LYST: variants seen among roughly 807,000 people sequenced by gnomAD.
The protein encoded by LYST is lysosomal-trafficking regulator.
Under a neutral mutation model 413.6 loss-of-function variants are expected in LYST, and 192 were observed. That is an observed-to-expected ratio of 0.46 (90% CI 0.41 to 0.52). The LOEUF is 0.52. Ranked by LOEUF, LYST falls within the 20% of genes least tolerant of loss-of-function variation. The pLI is 0.00. For synonymous variants in LYST, 1,525 were observed against 1,567.3 expected (o/e 0.97, Z 0.64); for missense variants, 3,815 against 4,499.9 (o/e 0.85, Z 4.35).
chr1:235,758,378 T>C (rs1667244447), intron 23 of LYST, among the ~76,000 whole-genome samples: 1 of 152,228 alleles, frequency 6.6e-6, no homozygotes, highest in Admixed American at 6.5e-5. Flanking sequence ...TGCAGTCTGG[T>C]GACAGCCTGT....
intron 3 of LYST, among the ~76,000 whole-genome samples, chr1:235,819,707 G>A (rs75200637): frequency 3.9e-5 from 6 of 152,210 alleles, no homozygotes; most frequent in East Asian, 3.8e-4. Flanking sequence ...GTGCAGTGGC[G>A]TGATCTCGGC....
intron 6 of LYST, among the ~76,000 whole-genome samples, chr1:235,804,977 T>G (rs1672651976): frequency 1.3e-5 from 2 of 152,192 alleles, no homozygotes; most frequent in South Asian, 2.1e-4. Flanking sequence ...GTGTTAAAGC[T>G]TGTGAATTTC....
At chr1:235,764,306 TG>T in intron 21 of LYST, among the ~76,000 whole-genome samples, 1 of 152,136 alleles carries the variant, frequency 6.6e-6, no homozygotes, top group African/African-American at 2.4e-5. Context: ...TCAACTAGGC[TG>T]TAAACGTCTT....
chr1:235,867,850 A>G (rs914953596), upstream of LYST, among the ~76,000 whole-genome samples: 1 of 152,234 alleles, frequency 6.6e-6, no homozygotes, highest in African/African-American at 2.4e-5. Flanking sequence ...TAAGCAGATA[A>G]TCTACAAATT....
At chr1:235,791,230 C>T (rs1227986445) in intron 12 of LYST, among the ~76,000 whole-genome samples, 9 of 151,848 alleles carry the variant, frequency 5.9e-5, no homozygotes, top group African/African-American at 1.7e-4. Flanking sequence ...TGCAGTGAGC[C>T]GAGATCGCGC....
chr1:235,863,619 CT>C (rs1680159106), intron 1 of LYST, among the ~76,000 whole-genome samples: 1 of 151,966 alleles, frequency 6.6e-6, no homozygotes, highest in South Asian at 2.1e-4. Context: ...AACAAACACA[CT>C]ATGTGAGTGC....
At chr1:235,740,206 T>A (rs10926535) in intron 31 of LYST, among the ~76,000 whole-genome samples, 76,095 of 151,928 alleles carry the variant, frequency 0.5, 22,482 homozygotes, top group African/African-American at 0.82. Flanking sequence ...ATATGATATG[T>A]GTTTTCCATG....
intron 1 of LYST, among the ~76,000 whole-genome samples, chr1:235,861,138 C>T (rs1269128836): frequency 2.0e-5 from 3 of 152,088 alleles, no homozygotes; most frequent in East Asian, 1.9e-4. Context: ...GTACTCTACC[C>T]TATTGTTCAT....
At chr1:235,845,270 G>T (rs1292225082) in intron 1 of LYST, among the ~76,000 whole-genome samples, 1 of 152,170 alleles carries the variant, frequency 6.6e-6, no homozygotes, top group Non-Finnish European at 1.5e-5. Context: ...TACCTGAGCT[G>T]AATCAAGTTA....
intron 1 of LYST, among the ~76,000 whole-genome samples, chr1:235,849,375 T>C (rs909219568): frequency 2.6e-5 from 4 of 152,088 alleles, no homozygotes; most frequent in African/African-American, 9.7e-5. Flanking sequence ...CTTAATGTAA[T>C]AAAAGCCCTC....
intron 18 of LYST, among the ~76,000 whole-genome samples, chr1:235,774,683 G>A (rs910460462): frequency 3.3e-5 from 5 of 152,028 alleles, no homozygotes; most frequent in African/African-American, 4.8e-5. Flanking sequence ...AATTCAATGA[G>A]TTTCTTTCTT....
Position 235,686,855 on chromosome 1 carries a change from G to C in LYST, c.10800+94C>G. 1.1e-6 allele frequency: 1 copy of C among 932,212 alleles called. No individual in the cohort carries two copies. The highest frequency in any genetic ancestry group is 1.8e-6 in the Non-Finnish European group (1 of 558,946). 57.7% of individuals were successfully genotyped at this position (932,212 alleles called of 1,614,324 possible). ...GAAGATTAAGGTATAAACATTTTAA[G>C]TTAATCTTATGCAAAGTGAATTATA... On this transcript the variant is annotated intron_variant, in intron 48 of 52. Transcript: ENST00000389793. This position sits in a 1 kb window ranked among gnomAD's most constrained non-coding sequence, Gnocchi z 4.0.
chr1:235,680,483 A>C (rs1659723307), intron 48 of LYST, among the ~76,000 whole-genome samples: 1 of 152,146 alleles, frequency 6.6e-6, no homozygotes, highest in African/African-American at 2.4e-5. Context: ...GCTGGTCTCA[A>C]ACTCTTGGCT....
chr1:235,829,154 G>C (rs1675662111), intron 3 of LYST: 1 of 152,162 alleles, frequency 6.6e-6, no homozygotes, highest in African/African-American at 2.4e-5. Flanking sequence ...AGTCAGCCGA[G>C]ATTGCACCAC....
chr1:235,780,262 G>A (rs145868256), intron 16 of LYST, among the ~76,000 whole-genome samples: 167 of 151,902 alleles, frequency 1.1e-3, no homozygotes, highest in African/African-American at 3.6e-3. Flanking sequence ...AAATTAGCCC[G>A]GTGTGGTGAT....
chr1:235,774,472 G>T (rs1459454167), intron 18 of LYST, among the ~76,000 whole-genome samples: 1 of 152,058 alleles, frequency 6.6e-6, no homozygotes, highest in Non-Finnish European at 1.5e-5. Context: ...TGATGATAGC[G>T]GGATCATAAT....
At chr1:235,718,376 T>C (rs114663885) in intron 40 of LYST, among the ~76,000 whole-genome samples, 6,195 of 151,846 alleles carry the variant, frequency 0.041, 419 homozygotes, top group African/African-American at 0.14. Flanking sequence ...TTTTTTTTTT[T>C]CAGACAGTTT....
chr1:235,867,764 C>G (rs1054553278), upstream of LYST, among the ~76,000 whole-genome samples: 3 of 152,170 alleles, frequency 2.0e-5, no homozygotes, highest in South Asian at 6.2e-4. Flanking sequence ...ACAGCAACGC[C>G]AGAGGTACTG....
Position 235,702,953 on chromosome 1 carries a change from C to T in LYST, c.10168G>A (p.Ala3390Thr), listed in dbSNP as rs2103101912. ...PATYFGMDVSAVEDPVQRRAL... is the reference protein window; with the variant it reads ...PATYFGMDVSTVEDPVQRRAL... ...CGTCTCTGAACTGGATCTTCAACTG[C>T]AGAGACATCCATTCCAAAATATGTC... Residue 3390 changes from alanine (A) to threonine (T), a missense_variant, in exon 45 of 53, where the codon GCA (alanine) becomes ACA (threonine). This residue lies in a region of LYST where 866 missense variants were observed against 1,156.0 expected (regional missense o/e 0.75). Coordinates refer to ENST00000389793, the MANE Select transcript of LYST (RefSeq NM_000081.4). 1.9e-6 allele frequency: 3 copies of T among 1,613,932 alleles called. No homozygotes were observed. In the East Asian group the frequency reaches 6.7e-5, roughly 36 times the overall value.
Sources: allele counts gnomAD v4.1 joint callset (sites outside exome capture counted in the v4.1 genomes callset), GRCh38; gene constraint gnomAD v4.1.1; regional missense constraint gnomAD v4.1.1; non-coding constraint Gnocchi (gnomAD v3.1); transcripts MANE v1.5; gene names NCBI Gene and HGNC (gene_info 2026-07-23, HGNC 2026-07-21).